The following ANKRD30BL variants were observed in gnomAD, a reference collection of about 807,000 sequenced individuals.
ANKRD30BL encodes putative ankyrin repeat domain-containing protein 30B-like.
ANKRD30BL carries 20 observed loss-of-function variants against 18.4 expected under a neutral mutation model. The observed-to-expected ratio is 1.09, with a 90% CI of 0.77 to 1.58. The LOEUF (loss-of-function observed/expected upper bound fraction) is 1.58, where lower values mean the gene tolerates loss of function less well. Ranked by LOEUF, ANKRD30BL falls within the 40% of genes most tolerant of loss-of-function variation. ANKRD30BL has a pLI of 0.00. For missense variants in ANKRD30BL, 224 were observed against 268.6 expected, an observed-to-expected ratio of 0.83 and a Z score of 1.16; for synonymous variants, 72 against 100.9, an observed-to-expected ratio of 0.71 and a Z score of 1.72.
intron 1 of ANKRD30BL, among the ~76,000 whole-genome samples, chr2:132,198,390 C>T (rs1470213291): frequency 7.3e-6 from 1 of 137,680 alleles, no homozygotes; most frequent in Non-Finnish European, 1.5e-5. Flanking sequence ...GTGGAGCGAT[C>T]TCGGCTCACT....
intron 1 of ANKRD30BL, among the ~76,000 whole-genome samples, chr2:132,193,100 A>G (rs1380897740): frequency 2.0e-5 from 3 of 152,194 alleles, no homozygotes; most frequent in Non-Finnish European, 4.4e-5. Flanking sequence ...ACCACAGAAG[A>G]GGCACTCAAT....
At position 132,206,518 on chromosome 2, in the gene ANKRD30BL, T is replaced by C. The variant is rs1290912220; in HGVS notation, n.442-49372A>G. Reference sequence around the variant, plus strand: ...TCTTTTAATGCTCCAGTTTCCCATATGTAAAATGAGAATTATAATAGTAAA... The same window carrying C: ...TCTTTTAATGCTCCAGTTTCCCATACGTAAAATGAGAATTATAATAGTAAA... On this transcript the variant is annotated intron_variant and non_coding_transcript_variant, in intron 1 of 4. Coordinates refer to the ANKRD30BL transcript ENST00000470729. 7.2e-5 allele frequency among the ~76,000 whole-genome samples: 11 copies of C among 152,304 alleles called. No homozygotes were observed. In the East Asian group the frequency reaches 2.1e-3, roughly 29 times the overall value.
chr2:132,203,104 C>T (rs1182545267), intron 1 of ANKRD30BL, among the ~76,000 whole-genome samples: 1 of 152,254 alleles, frequency 6.6e-6, no homozygotes, highest in African/African-American at 2.4e-5. Flanking sequence ...CCACAAACCA[C>T]CCACCCCTGC....
At chr2:132,208,988 A>G (rs111534202) in intron 1 of ANKRD30BL, among the ~76,000 whole-genome samples, 1 of 152,068 alleles carries the variant, frequency 6.6e-6, no homozygotes, top group Admixed American at 6.6e-5. Context: ...TTTACAGCCT[A>G]TGGTGGAAAA....
intron 1 of ANKRD30BL, among the ~76,000 whole-genome samples, chr2:132,219,352 C>A (rs1679604019): frequency 6.6e-6 from 1 of 151,926 alleles, no homozygotes; most frequent in Non-Finnish European, 1.5e-5. Flanking sequence ...TCAGAAACTT[C>A]TTTGTGCTGT....
intron 1 of ANKRD30BL, among the ~76,000 whole-genome samples, chr2:132,199,997 G>A (rs534081498): frequency 1.3e-5 from 2 of 152,252 alleles, no homozygotes; most frequent in African/African-American, 4.8e-5. Flanking sequence ...GGGATGCAAG[G>A]CTGGTTCAAT....
chr2:132,159,769 T>A (rs1394016899), intron 1 of ANKRD30BL, among the ~76,000 whole-genome samples: 2 of 152,182 alleles, frequency 1.3e-5, no homozygotes, highest in East Asian at 3.8e-4. Flanking sequence ...TGCTTAATTA[T>A]CCTTCAGACT....
intron 1 of ANKRD30BL, among the ~76,000 whole-genome samples, chr2:132,254,422 G>C (rs111469949): frequency 0.031 from 4,713 of 152,280 alleles, 210 homozygotes; most frequent in African/African-American, 0.11. Flanking sequence ...AAGTTCGACT[G>C]TCTTCTCAGC....
rs139305748 is a variant in ANKRD30BL at position 132,216,629 on chromosome 2, T to C, written n.441+40900A>G. Among the ~76,000 whole-genome samples the C allele has an allele frequency of 2.6e-4, 39 of 151,794 alleles. 1 individual carries two copies. In the East Asian group the frequency reaches 7.0e-3, roughly 27 times the overall value. Reference sequence around the variant, plus strand: ...CTTTTGATTGAGCACCTTTGAAACATTATTTTTGTAGGATCTGCATGTGGA... The same window carrying C: ...CTTTTGATTGAGCACCTTTGAAACACTATTTTTGTAGGATCTGCATGTGGA... On this transcript the variant is annotated intron_variant and non_coding_transcript_variant, in intron 1 of 4. Coordinates refer to the ANKRD30BL transcript ENST00000470729.
Position 132,242,019 on chromosome 2 carries a change from A to G in ANKRD30BL, n.441+15510T>C, listed in dbSNP as rs1680349882. Among the ~76,000 whole-genome samples, 3 of 151,360 alleles carry G rather than the reference A, an allele frequency of 2.0e-5. 1 individual carries two copies. The Admixed American group carries it at 2.0e-4, about 10-fold the overall frequency. On this transcript the variant is annotated intron_variant and non_coding_transcript_variant, in intron 1 of 4. Coordinates refer to the ANKRD30BL transcript ENST00000470729. ...GATTTGAGACCTATGGTGAAAAAGG[A>G]AATATCTTCACGTAAAAAGTAGACA...
chr2:132,220,296 CTCCCTG>C (rs1679638071), intron 1 of ANKRD30BL, among the ~76,000 whole-genome samples: 1 of 144,046 alleles, frequency 6.9e-6, no homozygotes, highest in African/African-American at 2.6e-5. Context: ...CCCTCTCCCT[CTCCCTG>C]TCCCTCTCCC....
At chr2:132,149,880 T>C (rs1687712304) in intron 5 of ANKRD30BL, among the ~76,000 whole-genome samples, 1 of 152,176 alleles carries the variant, frequency 6.6e-6, no homozygotes, top group Non-Finnish European at 1.5e-5. Flanking sequence ...TTCCTCTTTA[T>C]AAGTTTCTTT....
intron 1 of ANKRD30BL, among the ~76,000 whole-genome samples, chr2:132,188,111 A>G: frequency 6.6e-6 from 1 of 151,986 alleles, no homozygotes; most frequent in African/African-American, 2.4e-5. Context: ...CATAGTTCAT[A>G]TTTTCTGTGC....
chr2:132,243,262 T>G (rs1225600513), intron 1 of ANKRD30BL, among the ~76,000 whole-genome samples: 2 of 151,802 alleles, frequency 1.3e-5, no homozygotes, highest in Non-Finnish European at 2.9e-5. Flanking sequence ...AGAAATTTCT[T>G]TGTGATGTGT....
chr2:132,228,951 AATAG>A (rs1339407456), intron 1 of ANKRD30BL, among the ~76,000 whole-genome samples: 1 of 151,942 alleles, frequency 6.6e-6, no homozygotes, highest in Admixed American at 6.6e-5. Context: ...TCACATAAAA[AATAG>A]ATAGAAGCAT....
chr2:132,185,519 G>A (rs1688547747), intron 1 of ANKRD30BL, among the ~76,000 whole-genome samples: 1 of 152,140 alleles, frequency 6.6e-6, no homozygotes, highest in African/African-American at 2.4e-5. Context: ...ATAGAACAAA[G>A]GCTGTTTATA....
At chr2:132,181,570 C>T (rs1198644412) in intron 1 of ANKRD30BL, among the ~76,000 whole-genome samples, 4 of 152,164 alleles carry the variant, frequency 2.6e-5, no homozygotes, top group South Asian at 4.1e-4. Flanking sequence ...CACACACTCA[C>T]TATAAGAGAC....
chr2:132,181,201 T>C (rs1297605133), intron 1 of ANKRD30BL, among the ~76,000 whole-genome samples: 2 of 150,876 alleles, frequency 1.3e-5, no homozygotes, highest in African/African-American at 2.4e-5. Context: ...GGGCCGGGCA[T>C]GGTGGCTGAT....
intron 1 of ANKRD30BL, among the ~76,000 whole-genome samples, chr2:132,221,368 A>AG (rs1174036116): frequency 0.012 from 780 of 63,188 alleles, 2 homozygotes; most frequent in African/African-American, 0.049. Context: ...GGGAGGGGGG[A>AG]GGGGGGGTCA....
Sources: allele counts gnomAD v4.1 joint callset (sites outside exome capture counted in the v4.1 genomes callset), GRCh38; gene constraint gnomAD v4.1.1; transcripts MANE v1.5; gene names NCBI Gene and HGNC (gene_info 2026-07-23, HGNC 2026-07-21).